SGK3: variants seen among roughly 807,000 people sequenced by gnomAD.
The protein encoded by SGK3 is serine/threonine-protein kinase Sgk3.
In SGK3, 47 loss-of-function variants were observed where a neutral mutation model predicts 68.5. That is an observed-to-expected ratio of 0.69 (90% CI 0.54 to 0.87). The LOEUF (loss-of-function observed/expected upper bound fraction) is 0.87, where lower values mean the gene tolerates loss of function less well. Ranked by LOEUF, SGK3 falls within the 40% of genes least tolerant of loss-of-function variation. The pLI is 0.00. For missense variants in SGK3, 479 were observed against 575.5 expected (o/e 0.83, Z 1.72); for synonymous variants, 181 against 189.1 (o/e 0.96, Z 0.35).
In SGK3 at chr8:66,835,794, A is replaced by G; in HGVS notation, c.557A>G (p.Lys186Arg). The change falls in exon 9 of 17, where the codon AAA (lysine) becomes AGA (arginine). Residue 186 changes from lysine (K) to arginine (R), a missense_variant. This residue lies in a region of SGK3 where 298 missense variants were observed against 329.4 expected (regional missense o/e 0.90). Transcript: ENST00000521198. ...CTTGCAAAACGGAAACTGGATGGAA[A>G]ATTTTATGCTGTCAAAGTGTTACAG... is the stretch of plus-strand genomic sequence containing the variant. ...VLLAKRKLDG[K>R]FYAVKVLQKK... 1 of 1,612,536 alleles carries G rather than the reference A, an allele frequency of 6.2e-7. No individual in the cohort carries two copies. The highest frequency in any genetic ancestry group is 8.5e-7 in the Non-Finnish European group (1 of 1,179,622).
chr8:66,717,045 A>G (rs1423985383), intron 1 of SGK3, among the ~76,000 whole-genome samples: 2 of 151,874 alleles, frequency 1.3e-5, no homozygotes, highest in Non-Finnish European at 2.9e-5. Context: ...AAAAAAAAAA[A>G]AATACATAAA....
chr8:66,833,538 A>T (rs1036686987), intron 8 of SGK3, among the ~76,000 whole-genome samples: 1 of 152,176 alleles, frequency 6.6e-6, no homozygotes, highest in Non-Finnish European at 1.5e-5. Context: ...CAGAAATTCT[A>T]TTTGAATTTG....
rs778801923 is a variant in SGK3, at chr8:66,840,018, C to G, written c.757C>G (p.Gln253Glu). Residue 253 changes from glutamine (Q) to glutamate (E), a missense_variant, in exon 11 of 17, where the codon CAA becomes GAA. Physicochemically the swap from Gln to Glu is conservative, Grantham distance 29. Transcript: ENST00000521198. Reference sequence around the variant, plus strand: ...AATTTGACAGCTTTTTTTCCACTTACAAAGAGAACGGTCCTTTCCTGAGCA... The same window carrying G: ...AATTTGACAGCTTTTTTTCCACTTAGAAAGAGAACGGTCCTTTCCTGAGCA... ...VNGGELFFHL[Q>E]RERSFPEHRA... 6.2e-6 allele frequency: 10 copies of G among 1,611,836 alleles called. No individual in the cohort carries two copies. The Admixed American group carries it at 1.5e-4, about 24-fold the overall frequency.
At chr8:66,847,067 T>C (rs1477357512) in intron 14 of SGK3, 126 bp from the exon 15 acceptor site, 1 of 1,348,180 alleles carries the variant, frequency 7.4e-7, no homozygotes, top group Non-Finnish European at 1.0e-6. Flanking sequence ...ACTGCAGGTG[T>C]CTACACGTCC....
At chr8:66,732,418 G>A (rs1026198386) in intron 1 of SGK3, among the ~76,000 whole-genome samples, 1 of 151,598 alleles carries the variant, frequency 6.6e-6, no homozygotes, top group Non-Finnish European at 1.5e-5. Context: ...AACCCAGGAG[G>A]CAGAGGTTGC....
At chr8:66,779,793 G>A (rs549754988) in intron 1 of SGK3, among the ~76,000 whole-genome samples, 1 of 150,726 alleles carries the variant, frequency 6.6e-6, no homozygotes, top group Non-Finnish European at 1.5e-5. Context: ...AAATTAAGTA[G>A]TATAATTTAA....
chr8:66,843,378 A>C, intron 13 of SGK3, 74 bp from the exon 14 acceptor site: 1 of 1,465,280 alleles, frequency 6.8e-7, no homozygotes, highest in Middle Eastern at 2.4e-4. Flanking sequence ...AAATTTGTTA[A>C]ATTTCTCAAT....
intron 10 of SGK3, among the ~76,000 whole-genome samples, chr8:66,836,626 C>G (rs1249260385): frequency 6.7e-6 from 1 of 149,594 alleles, no homozygotes; most frequent in South Asian, 2.1e-4. Context: ...GAACGAGACC[C>G]CATCTCTTTA....
chr8:66,725,608 T>G (rs1389519033), intron 1 of SGK3, among the ~76,000 whole-genome samples: 1 of 152,070 alleles, frequency 6.6e-6, no homozygotes, highest in Non-Finnish European at 1.5e-5. Flanking sequence ...TTTTTCCATA[T>G]AAAGTCATTA....
chr8:66,858,824 A>C (rs188938344), intron 16 of SGK3, among the ~76,000 whole-genome samples: 1 of 152,166 alleles, frequency 6.6e-6, no homozygotes, highest in East Asian at 1.9e-4. Flanking sequence ...GCTATTGTTA[A>C]TGTTGGTGAG....
Position 66,769,135 on chromosome 8 carries a change from C to T in SGK3, c.-121-24481C>T, listed in dbSNP as rs544328708. On this transcript the variant is annotated intron_variant, in intron 1 of 16. Coordinates refer to ENST00000521198, the MANE Select transcript of SGK3 (RefSeq NM_001033578.3). The stretch of plus-strand genomic sequence containing the variant: ...AAATGTATTTTCCTATCCCATCCTC[C>T]AACACCATCTTTATCTTCTCCTTCA... Among the ~76,000 whole-genome samples, 4 of 152,254 alleles carry T rather than the reference C, an allele frequency of 2.6e-5. No individual in the cohort carries two copies. In the South Asian group the frequency reaches 6.2e-4, roughly 24 times the overall value.
intron 2 of SGK3, 126 bp from the exon 3 acceptor site, chr8:66,798,416 C>T (rs1807788957): frequency 3.0e-6 from 2 of 667,516 alleles, no homozygotes; most frequent in Non-Finnish European, 4.9e-6. Context: ...AAAACATCAG[C>T]CTTGGTGAAA....
intron 7 of SGK3, among the ~76,000 whole-genome samples, chr8:66,830,252 C>A (rs770056620): frequency 2.6e-5 from 4 of 152,104 alleles, no homozygotes; most frequent in Non-Finnish European, 5.9e-5. Context: ...GTTTGAGGGA[C>A]CTGCATGCTT....
chr8:66,794,313 G>A (rs976188510), intron 2 of SGK3, among the ~76,000 whole-genome samples: 1 of 151,982 alleles, frequency 6.6e-6, no homozygotes, highest in Non-Finnish European at 1.5e-5. Flanking sequence ...ATCTACTATA[G>A]GGCTTTATAA....
intron 1 of SGK3, among the ~76,000 whole-genome samples, chr8:66,735,310 A>G (rs963917595): frequency 7.2e-5 from 11 of 152,244 alleles, no homozygotes; most frequent in South Asian, 4.1e-4. Context: ...AATTGTGGTT[A>G]CGAATCATTA....
intron 1 of SGK3, among the ~76,000 whole-genome samples, chr8:66,745,890 C>A (rs1262911835): frequency 6.6e-6 from 1 of 152,122 alleles, no homozygotes; most frequent in Non-Finnish European, 1.5e-5. Flanking sequence ...CTCCTACAAG[C>A]CCTTTTTTTA....
chr8:66,828,706 A>T lies in SGK3; in HGVS notation c.467+3A>T. The T allele has an allele frequency of 6.2e-7, 1 of 1,613,942 alleles. No individual in the cohort carries two copies. Among genetic ancestry groups the T allele is most frequent in the Non-Finnish European group, 8.5e-7 (1 of 1,180,000 alleles). ...CTGGGACCGTCTGGAAATCCTCAGT[A>T]TGTTTAATTTGCTTCAAACAATTTT... On this transcript the variant is annotated splice_donor_region_variant and intron_variant, in intron 7 of 16. Coordinates refer to ENST00000521198, the MANE Select transcript of SGK3 (RefSeq NM_001033578.3).
At position 66,828,582 on chromosome 8, in the gene SGK3, C is replaced by T. The variant is rs73693611; in HGVS notation, c.418-72C>T. On this transcript the variant is annotated intron_variant, in intron 6 of 16. Coordinates refer to ENST00000521198, the MANE Select transcript of SGK3 (RefSeq NM_001033578.3). ...AATATTTGTGGTACAGTTATAAATA[C>T]TTTATTTCAAAACATTAATTAATTT... is the stretch of plus-strand genomic sequence containing the variant. The T allele has an allele frequency of 4.6e-3, 7,301 of 1,600,302 alleles. 293 individuals are homozygous for T. In the African/African-American group the frequency reaches 0.085, roughly 19 times the overall value.
chr8:66,769,677 A>G (rs867960161), intron 1 of SGK3, among the ~76,000 whole-genome samples: 1 of 152,186 alleles, frequency 6.6e-6, no homozygotes, highest in African/African-American at 2.4e-5. Flanking sequence ...AGTTGGATTT[A>G]GAAATTTTAT....
Sources: allele counts gnomAD v4.1 joint callset (sites outside exome capture counted in the v4.1 genomes callset), GRCh38; gene constraint gnomAD v4.1.1; regional missense constraint gnomAD v4.1.1; transcripts MANE v1.5; gene names NCBI Gene and HGNC (gene_info 2026-07-23, HGNC 2026-07-21).